Variants in AK9 observed in about 807,000 individuals in gnomAD.
AK9 encodes adenylate kinase 9.
A neutral mutation model predicts 239.6 loss-of-function variants in AK9; 191 were observed. That is an observed-to-expected ratio of 0.80 (90% confidence interval 0.71 to 0.90). The LOEUF (loss-of-function observed/expected upper bound fraction) is 0.90, where lower values mean the gene tolerates loss of function less well. Among genes scored for constraint, AK9 ranks in the 40% least tolerant of loss-of-function variants. The probability of loss-of-function intolerance (pLI) is 0.00; values close to 1 mark genes in which losing one functional copy is unlikely to be tolerated. For synonymous variants in AK9, 689 were observed against 721.0 expected (o/e 0.96, Z 0.71); for missense variants, 1,995 against 2,214.7 (o/e 0.90, Z 1.99).
rs1246523888 is a variant in AK9 at position 109,637,042 on chromosome 6, TCTC to T, written c.934-3722_934-3720del. Among the ~76,000 whole-genome samples, 4 of 152,148 alleles carry T rather than the reference TCTC, an allele frequency of 2.6e-5. No individual in the cohort carries two copies. In the South Asian group the frequency reaches 8.3e-4, roughly 32 times the overall value. ...CAAACAATGCAAGAGGGTTCTCATT[TCTC>T]CTCATCAACATTTGTTATTTCTCAT... On this transcript the variant is annotated intron_variant, in intron 10 of 40. Transcript: ENST00000424296.
rs1779301486 is a variant in AK9, at chr6:109,516,641, T to C, written c.3635A>G (p.Asn1212Ser). 6.5e-7 allele frequency: 1 copy of C among 1,547,080 alleles called. No homozygotes were observed. The highest frequency in any genetic ancestry group is 2.0e-5 in the Admixed American group (1 of 50,948). ...ILERDKKRRE[N>S]VVRDDEEISE... ...AATCTCTTCATCATCTCTAACAACATTCTAAGGAAGAAAATATTCCCTTTT... is the reference window on the plus strand; with the variant it reads ...AATCTCTTCATCATCTCTAACAACACTCTAAGGAAGAAAATATTCCCTTTT... The change falls in exon 30 of 41, where the codon AAT becomes AGT. Residue 1212 changes from asparagine to serine, a missense_variant and splice_region_variant. Asn to Ser is a conservative substitution (Grantham distance 46). Around this residue, in one of 5 missense-constraint regions of AK9, gnomAD observed 1,290 missense variants for 1,392.7 expected, o/e 0.93. Transcript: ENST00000424296.
At chr6:109,650,487 T>C (rs1583428894) in intron 8 of AK9, among the ~76,000 whole-genome samples, 1 of 151,046 alleles carries the variant, frequency 6.6e-6, no homozygotes. Flanking sequence ...AAAATGATCA[T>C]CATCACTGGC....
rs552186372 is a variant in AK9 at position 109,636,629 on chromosome 6, G to A, written c.934-3306C>T. 2.7e-4 allele frequency among the ~76,000 whole-genome samples: 41 copies of A among 149,604 alleles called. 1 individual carries two copies. Among genetic ancestry groups the A allele is most frequent in the Non-Finnish European group, 4.9e-4 (33 of 67,612 alleles). On this transcript the variant is annotated intron_variant, in intron 10 of 40. Transcript: ENST00000424296. ...TGAATTTGTCTATTCTGTGTATCTC[G>A]TATAAGTGGAATCATATGTTTGCCC...
intron 35 of AK9, 67 bp downstream of exon 35, chr6:109,506,260 A>G: frequency 2.1e-6 from 3 of 1,446,228 alleles, no homozygotes; most frequent in Non-Finnish European, 2.9e-6. Flanking sequence ...GAATTACAGT[A>G]ACATGAGTCA....
intron 19 of AK9, among the ~76,000 whole-genome samples, chr6:109,581,888 A>C (rs893231633): frequency 3.9e-5 from 6 of 152,188 alleles, no homozygotes; most frequent in Non-Finnish European, 8.8e-5. Flanking sequence ...GGACAGGCTG[A>C]CACTCTTATT....
intron 27 of AK9, among the ~76,000 whole-genome samples, chr6:109,540,211 C>G (rs1460999413): frequency 2.0e-5 from 3 of 152,226 alleles, no homozygotes; most frequent in Non-Finnish European, 2.9e-5. Context: ...GTGGAGTCTA[C>G]AGATGCAGTC....
At chr6:109,623,232 C>T (rs1310715441) in intron 12 of AK9, among the ~76,000 whole-genome samples, 1 of 152,084 alleles carries the variant, frequency 6.6e-6, no homozygotes, top group Non-Finnish European at 1.5e-5. Flanking sequence ...GTCCACAAAT[C>T]TTTTGACACA....
At chr6:109,600,897 T>C (rs1001341140) in intron 17 of AK9, among the ~76,000 whole-genome samples, 2 of 152,214 alleles carry the variant, frequency 1.3e-5, no homozygotes, top group African/African-American at 2.4e-5. Context: ...TGATGGTGCT[T>C]TGTATTTCCG....
rs1048538349 is a variant in AK9 at position 109,541,975 on chromosome 6, C to T, written c.3350+72G>A. 6.2e-5 allele frequency: 80 copies of T among 1,289,646 alleles called. No individual in the cohort carries two copies. The Middle Eastern group carries it at 6.6e-4, about 11-fold the overall frequency. 79.9% of individuals were successfully genotyped at this position (1,289,646 alleles called of 1,614,324 possible). A position where few individuals can be genotyped will look rare whatever the true frequency, so the allele number is the denominator to read the frequency against. On this transcript the variant is annotated intron_variant, in intron 27 of 40. Transcript: ENST00000424296. Reference sequence around the variant, plus strand: ...AGAAAGTTCTTAAATGTATGTTAAACTACATTTTTAACTTTTAAGAATAAA... The same window carrying T: ...AGAAAGTTCTTAAATGTATGTTAAATTACATTTTTAACTTTTAAGAATAAA...
At chr6:109,598,230 C>T (rs954445599) in intron 17 of AK9, among the ~76,000 whole-genome samples, 3 of 144,292 alleles carry the variant, frequency 2.1e-5, no homozygotes, top group Admixed American at 6.9e-5. Context: ...CCCCTCCCCC[C>T]ACCCCACAAC....
chr6:109,500,032 GATAC>G (rs1458904974), intron 35 of AK9, among the ~76,000 whole-genome samples: 4 of 76,344 alleles, frequency 5.2e-5, no homozygotes, highest in African/African-American at 2.1e-4. Context: ...CTATATATAT[GATAC>G]ACACACACAC....
chr6:109,588,499 T>A (rs1379194428), intron 17 of AK9, among the ~76,000 whole-genome samples: 1 of 152,210 alleles, frequency 6.6e-6, no homozygotes, highest in Non-Finnish European at 1.5e-5. Flanking sequence ...ATATTAGCCC[T>A]TTGTCAGATG....
intron 12 of AK9, among the ~76,000 whole-genome samples, chr6:109,622,610 A>G (rs117856737): frequency 0.046 from 6,822 of 146,906 alleles, 183 homozygotes; most frequent in South Asian, 0.088. Flanking sequence ...ATATATGTGT[A>G]TTATAGACAT....
At chr6:109,578,746 T>C (rs928482981) in intron 20 of AK9, among the ~76,000 whole-genome samples, 3 of 152,214 alleles carry the variant, frequency 2.0e-5, no homozygotes, top group African/African-American at 4.8e-5. Flanking sequence ...TGTGTCACTG[T>C]TATTGTTCAG....
intron 19 of AK9, among the ~76,000 whole-genome samples, chr6:109,582,128 G>T (rs1788934069): frequency 6.6e-6 from 1 of 152,192 alleles, no homozygotes; most frequent in African/African-American, 2.4e-5. Flanking sequence ...TGACAATGCA[G>T]ATAGTCACCC....
Position 109,548,549 on chromosome 6 carries a change from C to T in AK9, c.2964+1541G>A, listed in dbSNP as rs546330900. ...GAAGATGAAGCCTGCAGTAACAGACCATCCACTTAAATTTGTGAGGAAAAA... is the reference window on the plus strand; with the variant it reads ...GAAGATGAAGCCTGCAGTAACAGACTATCCACTTAAATTTGTGAGGAAAAA... On this transcript the variant is annotated intron_variant, in intron 25 of 40. Transcript: ENST00000424296. Among the ~76,000 whole-genome samples the T allele has an allele frequency of 2.0e-5, 3 of 152,186 alleles. No homozygotes were observed. The South Asian group carries it at 6.2e-4, about 32-fold the overall frequency.
intron 13 of AK9, among the ~76,000 whole-genome samples, chr6:109,617,176 A>C (rs1794278772): frequency 6.6e-6 from 1 of 152,132 alleles, no homozygotes; most frequent in Non-Finnish European, 1.5e-5. Context: ...TCATGTCTGC[A>C]TGAGAAGATC....
At chr6:109,499,869 G>A (rs1777424814) in intron 35 of AK9, among the ~76,000 whole-genome samples, 1 of 152,020 alleles carries the variant, frequency 6.6e-6, no homozygotes, top group African/African-American at 2.4e-5. Context: ...CAAAGTGTTG[G>A]GATTACAGGC....
intron 13 of AK9, among the ~76,000 whole-genome samples, chr6:109,617,394 A>G (rs1027606611): frequency 2.6e-5 from 4 of 152,130 alleles, no homozygotes; most frequent in Non-Finnish European, 4.4e-5. Flanking sequence ...GGGAGGATTT[A>G]TATTATCACA....
Sources: allele counts gnomAD v4.1 joint callset (sites outside exome capture counted in the v4.1 genomes callset), GRCh38; gene constraint gnomAD v4.1.1; regional missense constraint gnomAD v4.1.1; transcripts MANE v1.5; gene names NCBI Gene and HGNC (gene_info 2026-07-23, HGNC 2026-07-21).